TMEM233: variants seen among roughly 807,000 people sequenced by gnomAD.
TMEM233 encodes dispanin subfamily B member 2.
Under a neutral mutation model 11.2 loss-of-function variants are expected in TMEM233, and 6 were observed. The ratio of observed to expected loss-of-function variants is 0.54; its 90% CI spans 0.29 to 1.06. The LOEUF is 1.06. Among genes scored for constraint, TMEM233 ranks in the 50% least tolerant of loss-of-function variants. TMEM233 has a pLI of 0.08. For synonymous variants in TMEM233, 59 were observed against 55.8 expected (o/e 1.06, Z -0.26); for missense variants, 127 against 144.7 (o/e 0.88, Z 0.63).
At chr12:119,644,972 C>T (rs955351397), downstream of TMEM233, among the ~76,000 whole-genome samples, 1 of 152,108 alleles carries the variant, frequency 6.6e-6, no homozygotes, top group African/African-American at 2.4e-5. Flanking sequence ...GAGAAGGAAA[C>T]ATGAGAGTGC....
intron 1 of TMEM233, among the ~76,000 whole-genome samples, chr12:119,620,092 G>A (rs1249467978): frequency 6.6e-6 from 1 of 152,276 alleles, no homozygotes; most frequent in East Asian, 1.9e-4. Flanking sequence ...GGGTCATGAG[G>A]GAGAGCTGGC....
At chr12:119,637,625 G>A (rs915396458) in intron 2 of TMEM233, among the ~76,000 whole-genome samples, 18 of 152,276 alleles carry the variant, frequency 1.2e-4, no homozygotes, top group African/African-American at 4.1e-4. Context: ...TTTGATCAGA[G>A]AATTTTTGTG....
rs1955100164 is a variant in TMEM233 at position 119,642,627 on chromosome 12, T to C, written c.*1922T>C. ...TTAGGCAAGTTTCATAGCCTCTCTG[T>C]GCCTAAAATTCCTTCACCTGCAAAA... On this transcript the variant is annotated 3_prime_UTR_variant, in exon 3 of 3. Coordinates refer to ENST00000426426, the MANE Select transcript of TMEM233 (RefSeq NM_001136534.3). The C allele has an allele frequency of 6.6e-6, 1 of 152,174 alleles. No individual in the cohort carries two copies. Among genetic ancestry groups the C allele is most frequent in the Non-Finnish European group, 1.5e-5 (1 of 68,034 alleles). The allele number at this position is 152,174 out of a possible 1,614,324, so 9.4% of individuals were successfully genotyped here.
intron 1 of TMEM233, among the ~76,000 whole-genome samples, chr12:119,629,157 C>T (rs1954825283): frequency 6.6e-6 from 1 of 152,218 alleles, no homozygotes; most frequent in Admixed American, 6.5e-5. Flanking sequence ...TGCCTGTAAT[C>T]CCAGCACTCT....
chr12:119,651,415 TA>T, the TMEM233 span, among the ~76,000 whole-genome samples: 2 of 152,178 alleles, frequency 1.3e-5, no homozygotes, highest in South Asian at 4.1e-4. Context: ...CTGTAACAGT[TA>T]GGTCATACAA....
In TMEM233 at chr12:119,629,428, T is replaced by C. The variant is rs549886413; in HGVS notation, c.187-308T>C. 2.0e-3 allele frequency among the ~76,000 whole-genome samples: 304 copies of C among 151,700 alleles called. 3 individuals carry two copies. Among genetic ancestry groups the C allele is most frequent in the African/African-American group, 7.0e-3 (290 of 41,334 alleles). ...CTGTCTCAAAAAAAAAAAGAAAAGA[T>C]AAAAGACAGACGATGACCCCTGCCC... On this transcript the variant is annotated intron_variant, in intron 1 of 2. Transcript: ENST00000426426.
intron 1 of TMEM233, among the ~76,000 whole-genome samples, chr12:119,611,380 G>C (rs1347615168): frequency 6.6e-6 from 1 of 152,138 alleles, no homozygotes; most frequent in Non-Finnish European, 1.5e-5. Context: ...TAGATGCAAA[G>C]TGGTATATTT....
At chr12:119,632,077 G>T (rs1954896702) in intron 2 of TMEM233, among the ~76,000 whole-genome samples, 1 of 152,178 alleles carries the variant, frequency 6.6e-6, no homozygotes, top group Admixed American at 6.5e-5. Context: ...GGGAACTTGG[G>T]AAAATGCATA....
intron 1 of TMEM233, among the ~76,000 whole-genome samples, chr12:119,613,213 CA>C (rs3077328): frequency 0.67 from 81,512 of 122,194 alleles, 24,767 homozygotes; most frequent in Middle Eastern, 0.75. Flanking sequence ...AAGCCTGTTC[CA>C]AAAAAAAAAA....
chr12:119,642,975 T>C lies in TMEM233; in HGVS notation c.*2270T>C, dbSNP rs887233566. 6.6e-6 allele frequency: 1 copy of C among 152,226 alleles called. No individual in the cohort carries two copies. The highest frequency in any genetic ancestry group is 1.5e-5 in the Non-Finnish European group (1 of 68,036). 9.4% of individuals were successfully genotyped at this position (152,226 alleles called of 1,614,324 possible). On this transcript the variant is annotated 3_prime_UTR_variant, in exon 3 of 3. Coordinates refer to ENST00000426426, the MANE Select transcript of TMEM233 (RefSeq NM_001136534.3). ...CCTGATTTCTGTTTCTGACATCCTGTTTTTTGTTTGTGCGTGTTTGGGTCC... is the reference window on the plus strand; with the variant it reads ...CCTGATTTCTGTTTCTGACATCCTGCTTTTTGTTTGTGCGTGTTTGGGTCC...
At chr12:119,615,173 T>TAAAAAAAAAAAAAAAAAAAAAAAAAAAA (rs60318959) in intron 1 of TMEM233, among the ~76,000 whole-genome samples, 2 of 56,198 alleles carry the variant, frequency 3.6e-5, no homozygotes, top group Non-Finnish European at 6.1e-5. Context: ...CGCTTTCTGC[T>TAAAAAAAAAAAAAAAAAAAAAAAAAAAA]AAAAAAAAAA....
chr12:119,626,376 G>A (rs151087490), intron 1 of TMEM233, among the ~76,000 whole-genome samples: 336 of 151,698 alleles, frequency 2.2e-3, no homozygotes, highest in African/African-American at 7.6e-3. Context: ...AGGCTGAGGC[G>A]GGAGAATGGC....
At chr12:119,653,252 C>CA in the TMEM233 span, among the ~76,000 whole-genome samples, 1 of 151,644 alleles carries the variant, frequency 6.6e-6, no homozygotes, top group African/African-American at 2.4e-5. Context: ...ATTAACCAGG[C>CA]AAGGTGGTGG....
intron 2 of TMEM233, 90 bp from the exon 3 acceptor site, chr12:119,640,609 A>G: frequency 7.0e-7 from 1 of 1,420,342 alleles, no homozygotes; most frequent in Non-Finnish European, 9.6e-7. Flanking sequence ...AGTCATCATC[A>G]TCAAATAAGG....
the TMEM233 span, among the ~76,000 whole-genome samples, chr12:119,653,159 C>T: frequency 6.6e-6 from 1 of 151,880 alleles, no homozygotes; most frequent in African/African-American, 2.4e-5. Flanking sequence ...TTTGGGAGGC[C>T]GAGGTGGATG....
chr12:119,626,583 AGAGAAGAGAAGAGAAAAAAG>A (rs763058182), intron 1 of TMEM233, among the ~76,000 whole-genome samples: 48 of 141,750 alleles, frequency 3.4e-4, no homozygotes, highest in South Asian at 6.7e-4. Flanking sequence ...AGAGAAGAGA[AGAGAAGAGAAGAGAAAAAAG>A]AAAAGAAAAG....
intron 1 of TMEM233, among the ~76,000 whole-genome samples, chr12:119,620,716 T>C (rs1245879279): frequency 6.6e-6 from 1 of 152,130 alleles, no homozygotes; most frequent in Non-Finnish European, 1.5e-5. Context: ...TGATGTAACA[T>C]CAGGAAGTCT....
intron 2 of TMEM233, among the ~76,000 whole-genome samples, chr12:119,638,622 G>A (rs550651948): frequency 7.9e-5 from 12 of 152,252 alleles, no homozygotes; most frequent in African/African-American, 2.2e-4. Context: ...GACGTGCAAC[G>A]ATGTTCATTG....
intron 1 of TMEM233, among the ~76,000 whole-genome samples, chr12:119,598,723 A>G (rs910456940): frequency 6.6e-6 from 1 of 152,162 alleles, no homozygotes; most frequent in African/African-American, 2.4e-5. Flanking sequence ...GAGACCAACC[A>G]TTAAGGTTCA....
Sources: allele counts gnomAD v4.1 joint callset (sites outside exome capture counted in the v4.1 genomes callset), GRCh38; gene constraint gnomAD v4.1.1; transcripts MANE v1.5; gene names NCBI Gene and HGNC (gene_info 2026-07-23, HGNC 2026-07-21).